The following SPTLC3 variants were observed in gnomAD, a reference collection of about 807,000 sequenced individuals.
The protein encoded by SPTLC3 is serine palmitoyltransferase 3.
Under a neutral mutation model 59.3 loss-of-function variants are expected in SPTLC3, and 36 were observed. The ratio of observed to expected loss-of-function variants is 0.61; its 90% CI spans 0.47 to 0.80. SPTLC3 has a LOEUF of 0.80. SPTLC3 is among the 30% of genes least tolerant of loss of function. The probability of loss-of-function intolerance (pLI) is 0.00; values close to 1 mark genes in which losing one functional copy is unlikely to be tolerated. For missense variants in SPTLC3, 625 were observed against 685.1 expected (o/e 0.91, Z 0.98); for synonymous variants, 257 against 240.8 (o/e 1.07, Z -0.62).
rs1427009587 is a variant in SPTLC3, at chr20:13,167,438, T to A, written c.*2571T>A. On this transcript the variant is annotated 3_prime_UTR_variant, in exon 12 of 12. Coordinates refer to ENST00000399002, the MANE Select transcript of SPTLC3 (RefSeq NM_018327.4). ...TATAATGTTATGCGCACTCAGCCCT[T>A]CTGTTCACATTTACACACATGCACA... 6.6e-6 allele frequency: 1 copy of A among 152,194 alleles called. No individual in the cohort carries two copies. The highest frequency in any genetic ancestry group is 2.4e-5 in the African/African-American group (1 of 41,458). 9.4% of individuals were successfully genotyped at this position (152,194 alleles called of 1,614,324 possible). A position where few individuals can be genotyped will look rare whatever the true frequency, so the allele number is the denominator to read the frequency against.
At position 13,168,278 on chromosome 20, in the gene SPTLC3, G is replaced by C. The variant is rs1041621160; in HGVS notation, c.*3411G>C. The C allele has an allele frequency of 7.3e-5, 11 of 151,564 alleles. No homozygotes were observed. The highest frequency in any genetic ancestry group is 2.7e-4 in the African/African-American group (11 of 41,164). The allele number at this position is 151,564 out of a possible 1,614,324, so 9.4% of individuals were successfully genotyped here. A position where few individuals can be genotyped will look rare whatever the true frequency, so the allele number is the denominator to read the frequency against. ...GGCTCATTGCAACCTCCACCTCCCG[G>C]GTTCAAGCGATTCTCCTGCCTCAGC... On this transcript the variant is annotated 3_prime_UTR_variant, in exon 12 of 12. Transcript: ENST00000399002.
intron 8 of SPTLC3, among the ~76,000 whole-genome samples, chr20:13,119,802 G>A (rs1339104312): frequency 6.6e-6 from 1 of 152,212 alleles, no homozygotes; most frequent in Non-Finnish European, 1.5e-5. Context: ...CATAGGGGCT[G>A]TTTCCAAGAC....
chr20:13,091,368 A>G (rs1008520028), intron 5 of SPTLC3, among the ~76,000 whole-genome samples, 161 bp downstream of exon 5: 4 of 151,900 alleles, frequency 2.6e-5, no homozygotes, highest in African/African-American at 7.3e-5. Flanking sequence ...AGGTCAAGAG[A>G]CCTAGATCAT....
At chr20:13,015,415 A>G (rs1985478421) in intron 1 of SPTLC3, among the ~76,000 whole-genome samples, 1 of 152,204 alleles carries the variant, frequency 6.6e-6, no homozygotes, top group African/African-American at 2.4e-5. Flanking sequence ...CACCAGAAAC[A>G]TGAAGGACCT....
At chr20:13,140,468 G>A (rs2038355172) in intron 9 of SPTLC3, among the ~76,000 whole-genome samples, 1 of 152,144 alleles carries the variant, frequency 6.6e-6, no homozygotes, top group Non-Finnish European at 1.5e-5. Flanking sequence ...CTGAGCCCAG[G>A]TAGAGAAATA....
chr20:13,048,323 T>C (rs1030267983), intron 1 of SPTLC3, among the ~76,000 whole-genome samples: 1 of 152,228 alleles, frequency 6.6e-6, no homozygotes, highest in Non-Finnish European at 1.5e-5. Context: ...CTGGATTTAC[T>C]TGTTTCCCTT....
intron 11 of SPTLC3, among the ~76,000 whole-genome samples, chr20:13,161,724 A>G (rs6041927): frequency 0.053 from 8,097 of 152,296 alleles, 247 homozygotes; most frequent in African/African-American, 0.08. Context: ...TTGATGTTCC[A>G]TAGAGTAGGC....
chr20:13,056,579 G>T (rs1171427878), intron 2 of SPTLC3, among the ~76,000 whole-genome samples: 1 of 151,482 alleles, frequency 6.6e-6, no homozygotes, highest in African/African-American at 2.4e-5. Context: ...TTCCCGAGTG[G>T]CTGGGACCAC....
chr20:13,083,695 A>G (rs985980945), intron 4 of SPTLC3, among the ~76,000 whole-genome samples: 1 of 152,100 alleles, frequency 6.6e-6, no homozygotes, highest in Non-Finnish European at 1.5e-5. Context: ...TTTTTTTATT[A>G]CCAAGTTAAT....
At chr20:13,040,682 CTTT>C (rs548122908) in intron 1 of SPTLC3, among the ~76,000 whole-genome samples, 1 of 145,470 alleles carries the variant, frequency 6.9e-6, no homozygotes. Context: ...CCTGTGCCCC[CTTT>C]TTTTTTTTTG....
intron 6 of SPTLC3, among the ~76,000 whole-genome samples, chr20:13,101,058 G>T (rs978791014): frequency 1.3e-5 from 2 of 152,210 alleles, no homozygotes; most frequent in African/African-American, 4.8e-5. Context: ...AGTGACCAGA[G>T]TGGACAACAG....
chr20:13,019,606 C>T (rs1054659482), intron 1 of SPTLC3, among the ~76,000 whole-genome samples: 2 of 152,148 alleles, frequency 1.3e-5, no homozygotes, highest in African/African-American at 4.8e-5. Context: ...ATTTCCTTGA[C>T]TAACCCAAAT....
chr20:13,164,585 G>T (rs1023544450), intron 11 of SPTLC3, 169 bp from the exon 12 acceptor site: 2 of 616,108 alleles, frequency 3.2e-6, no homozygotes, highest in African/African-American at 3.7e-5. Flanking sequence ...TTCCTCTAGG[G>T]TCTTAAACCA....
At chr20:13,010,318 A>G (rs1425468802) in intron 1 of SPTLC3, among the ~76,000 whole-genome samples, 1 of 152,160 alleles carries the variant, frequency 6.6e-6, no homozygotes, top group East Asian at 1.9e-4. Flanking sequence ...ATCTTCCATC[A>G]TTTGATCATC....
intron 6 of SPTLC3, among the ~76,000 whole-genome samples, chr20:13,106,331 C>T (rs1035507685): frequency 1.3e-5 from 2 of 152,026 alleles, no homozygotes; most frequent in African/African-American, 4.8e-5. Context: ...GGACGAGGTC[C>T]CTGACTTCAT....
chr20:13,065,979 T>C (rs1016431017), intron 2 of SPTLC3, among the ~76,000 whole-genome samples: 3 of 152,256 alleles, frequency 2.0e-5, no homozygotes, highest in African/African-American at 7.2e-5. Context: ...TATTATTAAC[T>C]ATAGTCACCA....
At chr20:13,090,960 A>G (rs1234654762) in intron 4 of SPTLC3, 123 bp from the exon 5 acceptor site, 1 of 1,358,936 alleles carries the variant, frequency 7.4e-7, no homozygotes, top group Non-Finnish European at 1.0e-6. Flanking sequence ...GCAATGGCAA[A>G]TCTTCCTGCT....
intron 3 of SPTLC3, 128 bp from the exon 4 acceptor site, chr20:13,074,221 G>C (rs913722149): frequency 3.0e-5 from 36 of 1,185,832 alleles, no homozygotes; most frequent in Non-Finnish European, 4.0e-5. Flanking sequence ...ACAGATCTGA[G>C]CTGCCATCTC....
At chr20:13,164,706 G>A (rs562405902) in intron 11 of SPTLC3, 48 bp from the exon 12 acceptor site, 1 of 1,441,094 alleles carries the variant, frequency 6.9e-7, no homozygotes, top group South Asian at 1.2e-5. Flanking sequence ...GCAAAGCAGG[G>A]CTACTTAGGT....
Sources: allele counts gnomAD v4.1 joint callset (sites outside exome capture counted in the v4.1 genomes callset), GRCh38; gene constraint gnomAD v4.1.1; transcripts MANE v1.5; gene names NCBI Gene and HGNC (gene_info 2026-07-23, HGNC 2026-07-21).